COL24A1: variants seen among roughly 807,000 people sequenced by gnomAD.
COL24A1 encodes collagen type XXIV alpha 1 chain, also known as collagen alpha-1(XXIV) chain.
Under a neutral mutation model 253.9 loss-of-function variants are expected in COL24A1, and 224 were observed. The observed-to-expected ratio is 0.88, with a 90% confidence interval of 0.79 to 0.99. COL24A1 has a LOEUF of 0.99. COL24A1 is among the 50% of genes least tolerant of loss of function. The pLI is 0.00. For missense variants in COL24A1, 2,131 were observed against 2,068.5 expected (o/e 1.03, Z -0.59); for synonymous variants, 685 against 673.7 (o/e 1.02, Z -0.26).
chr1:86,024,679 T>C (rs1697857327), intron 14 of COL24A1, among the ~76,000 whole-genome samples: 1 of 152,178 alleles, frequency 6.6e-6, no homozygotes, highest in Non-Finnish European at 1.5e-5. Flanking sequence ...ATTATGTCAA[T>C]AGGAAAACTT....
chr1:85,839,897 G>A (rs1347262360), intron 42 of COL24A1, among the ~76,000 whole-genome samples: 2 of 151,998 alleles, frequency 1.3e-5, no homozygotes, highest in African/African-American at 2.4e-5. Context: ...ACTATAAAAT[G>A]AAATAGAAAT....
At chr1:85,827,710 G>A (rs1397294645) in intron 43 of COL24A1, among the ~76,000 whole-genome samples, 18 of 151,710 alleles carry the variant, frequency 1.2e-4, no homozygotes, top group East Asian at 5.8e-4. Context: ...GTTTATTTGC[G>A]TAGAGGTGTT....
At chr1:85,922,913 C>T (rs1021412520) in intron 24 of COL24A1, among the ~76,000 whole-genome samples, 1 of 152,088 alleles carries the variant, frequency 6.6e-6, no homozygotes, top group African/African-American at 2.4e-5. Flanking sequence ...GTGCTGTATT[C>T]AGGAGACCCA....
rs313718 is a variant in COL24A1 at position 85,790,723 on chromosome 1, T to C, written c.3952-4262A>G. Reference sequence around the variant, plus strand: ...AAAGAAAAGTGGACTTCGAATATTGTATTTTTAGGCACCATGGAAAATGAA... The same window carrying C: ...AAAGAAAAGTGGACTTCGAATATTGCATTTTTAGGCACCATGGAAAATGAA... On this transcript the variant is annotated intron_variant, in intron 47 of 59. Transcript: ENST00000370571. Among the ~76,000 whole-genome samples, 233 of 152,342 alleles carry C rather than the reference T, an allele frequency of 1.5e-3. 1 individual carries two copies. Among genetic ancestry groups the C allele is most frequent in the Admixed American group, 4.3e-3 (65 of 15,294 alleles).
At chr1:85,740,953 C>CA (rs774839476) in intron 57 of COL24A1, among the ~76,000 whole-genome samples, 1,213 of 83,036 alleles carry the variant, frequency 0.015, 59 homozygotes, top group African/African-American at 0.051. Flanking sequence ...TCTAAAAATA[C>CA]AAAAAAAAAA....
Position 86,125,105 on chromosome 1 carries a change from C to G in COL24A1, c.1231G>C (p.Ala411Pro). ...KQDTITNLKK[A>P]ITANLHTNEL... ...TTAGTGTGTAGATTTGCTGTGATAG[C>G]CTTCTTGAGATTAGTAATTGTATCT... Residue 411 changes from alanine to proline, a missense_variant, in exon 3 of 60, where the codon GCT (alanine) becomes CCT (proline). Physicochemically the swap from Ala to Pro is conservative, Grantham distance 27 (BLOSUM62 -1). Coordinates refer to ENST00000370571, the MANE Select transcript of COL24A1 (RefSeq NM_152890.7). 6.2e-7 allele frequency: 1 copy of G among 1,613,082 alleles called. No individual in the cohort carries two copies.
chr1:86,002,851 G>GA (rs1225148677), intron 19 of COL24A1, among the ~76,000 whole-genome samples: 1 of 152,100 alleles, frequency 6.6e-6, no homozygotes, highest in Non-Finnish European at 1.5e-5. Flanking sequence ...ACAAAAAAAG[G>GA]AAAGGCACAC....
chr1:86,142,458 G>A (rs1209788488), intron 2 of COL24A1, among the ~76,000 whole-genome samples: 1 of 150,526 alleles, frequency 6.6e-6, no homozygotes, highest in African/African-American at 2.4e-5. Flanking sequence ...GGGAGGCAGA[G>A]CTTGCAGTGA....
intron 5 of COL24A1, among the ~76,000 whole-genome samples, chr1:86,110,869 G>C (rs1033748731): frequency 6.6e-6 from 1 of 152,034 alleles, no homozygotes; most frequent in Non-Finnish European, 1.5e-5. Context: ...CTCCCCAGTG[G>C]GGGCTCCACC....
intron 19 of COL24A1, among the ~76,000 whole-genome samples, chr1:86,004,602 G>A (rs565100886): frequency 2.0e-5 from 3 of 152,126 alleles, no homozygotes; most frequent in Non-Finnish European, 4.4e-5. Context: ...GTCCCAAATA[G>A]GATGAACATT....
chr1:85,941,872 G>A (rs1385867581), intron 24 of COL24A1, among the ~76,000 whole-genome samples: 2 of 152,092 alleles, frequency 1.3e-5, no homozygotes, highest in Admixed American at 1.3e-4. Context: ...TAATTGTGAT[G>A]TTCATCTCAA....
chr1:86,134,466 G>C (rs1649879297), intron 2 of COL24A1, among the ~76,000 whole-genome samples: 1 of 144,920 alleles, frequency 6.9e-6, no homozygotes, highest in African/African-American at 2.5e-5. Context: ...GATCTTTCCT[G>C]CTTTCTCTTG....
chr1:85,778,037 C>CTATCTATCTATCTATG (rs1668754936), intron 52 of COL24A1, among the ~76,000 whole-genome samples: 1 of 145,980 alleles, frequency 6.9e-6, no homozygotes, highest in East Asian at 1.9e-4. Flanking sequence ...ATCTATCTAT[C>CTATCTATCTATCTATG]TATCTATCTA....
At chr1:85,814,525 T>G (rs2101909065) in intron 47 of COL24A1, among the ~76,000 whole-genome samples, 1 of 152,328 alleles carries the variant, frequency 6.6e-6, no homozygotes, top group African/African-American at 2.4e-5. Context: ...AGTGCCACAT[T>G]GCAATTTTCC....
intron 57 of COL24A1, among the ~76,000 whole-genome samples, chr1:85,738,898 A>G (rs1456225425): frequency 6.6e-6 from 1 of 152,216 alleles, no homozygotes; most frequent in Non-Finnish European, 1.5e-5. Flanking sequence ...GCATCAAACC[A>G]TCACTAAAAC....
intron 32 of COL24A1, among the ~76,000 whole-genome samples, chr1:85,885,397 A>ATATATATATATATTTTTTT (rs60994639): frequency 7.8e-6 from 1 of 128,902 alleles, no homozygotes; most frequent in Non-Finnish European, 1.6e-5. Context: ...ATATATATAT[A>ATATATATATATATTTTTTT]TTTTTTTTTT....
At chr1:85,881,628 A>C (rs1681855775) in intron 32 of COL24A1, among the ~76,000 whole-genome samples, 1 of 152,188 alleles carries the variant, frequency 6.6e-6, no homozygotes. Flanking sequence ...CTGTCTCAAA[A>C]CAGAAAAAAA....
intron 53 of COL24A1, among the ~76,000 whole-genome samples, chr1:85,773,259 T>C (rs12096345): frequency 0.13 from 19,026 of 152,174 alleles, 1,345 homozygotes; most frequent in East Asian, 0.22. Context: ...ACCATGCTGT[T>C]TTGGTTACTA....
At chr1:85,892,011 G>A (rs1371078163) in intron 31 of COL24A1, among the ~76,000 whole-genome samples, 2 of 152,052 alleles carry the variant, frequency 1.3e-5, no homozygotes, top group Non-Finnish European at 2.9e-5. Context: ...TATTTTGGTT[G>A]TTATTTATTA....
Sources: allele counts gnomAD v4.1 joint callset (sites outside exome capture counted in the v4.1 genomes callset), GRCh38; gene constraint gnomAD v4.1.1; transcripts MANE v1.5; gene names NCBI Gene and HGNC (gene_info 2026-07-23, HGNC 2026-07-21).